The following EFHC2 variants were observed in gnomAD, a reference collection of about 807,000 sequenced individuals.
The protein encoded by EFHC2 is EF-hand domain-containing family member C2.
In EFHC2, 18 loss-of-function variants were observed where a neutral mutation model predicts 52.7. The observed-to-expected ratio is 0.34, with a 90% CI of 0.24 to 0.51. The LOEUF is 0.51. EFHC2 is among the 20% of genes least tolerant of loss of function. The pLI is 0.97. For missense variants in EFHC2, 513 were observed against 562.5 expected (o/e 0.91, Z 0.89); for synonymous variants, 203 against 204.1 (o/e 0.99, Z 0.04).
chrX:44,173,198 G>A (rs1194112249), intron 13 of EFHC2, among the ~76,000 whole-genome samples: 1 of 112,106 alleles, frequency 8.9e-6, no homozygotes, highest in Non-Finnish European at 1.9e-5. Context: ...ACACAGCAGG[G>A]TTACACGGCT....
intron 10 of EFHC2, among the ~76,000 whole-genome samples, chrX:44,231,176 T>A (rs964998808): frequency 6.2e-5 from 7 of 112,089 alleles, no homozygotes; most frequent in Admixed American, 5.6e-4. Flanking sequence ...AGGCCTCCTA[T>A]CAAGAGAGAC....
intron 11 of EFHC2, among the ~76,000 whole-genome samples, chrX:44,192,111 A>C (rs1215446516): frequency 1.9e-5 from 2 of 107,966 alleles, no homozygotes; most frequent in African/African-American, 3.4e-5. Flanking sequence ...ACCTGTTTTA[A>C]TGTCCAATGC....
intron 2 of EFHC2, among the ~76,000 whole-genome samples, chrX:44,306,626 G>A (rs73483070): frequency 0.022 from 2,485 of 111,951 alleles, 67 homozygotes; most frequent in African/African-American, 0.075. Context: ...GGCCATGCGG[G>A]ATAACAAATA....
At chrX:44,230,837 G>C (rs2037270853) in intron 10 of EFHC2, among the ~76,000 whole-genome samples, 2 of 111,469 alleles carry the variant, frequency 1.8e-5, no homozygotes, top group South Asian at 7.6e-4. Context: ...CTTACCATGG[G>C]CCTCATGGTT....
At chrX:44,276,353 C>T (rs1281320973) in intron 2 of EFHC2, among the ~76,000 whole-genome samples, 1 of 111,455 alleles carries the variant, frequency 9.0e-6, no homozygotes, top group Admixed American at 9.6e-5. Flanking sequence ...TGCTTTAGCC[C>T]AGGAATTTAA....
intron 14 of EFHC2, among the ~76,000 whole-genome samples, chrX:44,154,822 A>G (rs1465380350): frequency 1.8e-5 from 2 of 111,696 alleles, no homozygotes; most frequent in Non-Finnish European, 3.8e-5. Context: ...CCACTTCCTT[A>G]CTAGTGTTTT....
intron 4 of EFHC2, among the ~76,000 whole-genome samples, 192 bp from the exon 5 acceptor site, chrX:44,250,637 C>A (rs1379517818): frequency 2.9e-5 from 3 of 103,038 alleles, no homozygotes; most frequent in African/African-American, 1.1e-4. Context: ...CCAGCCTGGG[C>A]AACATGGCAA....
intron 2 of EFHC2, among the ~76,000 whole-genome samples, chrX:44,304,402 C>A (rs1353435567): frequency 8.9e-6 from 1 of 111,967 alleles, no homozygotes; most frequent in Non-Finnish European, 1.9e-5. Context: ...TAGTTAATGG[C>A]GGGACCAGAA....
chrX:44,279,035 C>T (rs2037682210), intron 2 of EFHC2, among the ~76,000 whole-genome samples: 1 of 112,110 alleles, frequency 8.9e-6, no homozygotes, highest in Non-Finnish European at 1.9e-5. Context: ...AACCAGTGAG[C>T]AATGATTCAA....
chrX:44,274,824 C>T (rs1176946131), intron 2 of EFHC2, among the ~76,000 whole-genome samples: 1 of 110,629 alleles, frequency 9.0e-6, no homozygotes, highest in African/African-American at 3.3e-5. Flanking sequence ...CCCAGGAGAT[C>T]GAGGCTGCAG....
chrX:44,319,617 C>G (rs2038005272), intron 1 of EFHC2, among the ~76,000 whole-genome samples: 2 of 112,802 alleles, frequency 1.8e-5, no homozygotes, highest in East Asian at 2.8e-4. Context: ...AGGCTCCTAA[C>G]TTTTTGTAGG....
At chrX:44,287,638 T>C (rs1465121096) in intron 2 of EFHC2, among the ~76,000 whole-genome samples, 1 of 112,839 alleles carries the variant, frequency 8.9e-6, no homozygotes, top group Admixed American at 9.4e-5. Flanking sequence ...GTGATAGATA[T>C]TCCATTGAAC....
chrX:44,238,867 T>C (rs1242129896), intron 8 of EFHC2, among the ~76,000 whole-genome samples: 1 of 112,101 alleles, frequency 8.9e-6, no homozygotes, highest in Non-Finnish European at 1.9e-5. Flanking sequence ...AATTTACTTA[T>C]GTATTAATTG....
intron 13 of EFHC2, among the ~76,000 whole-genome samples, chrX:44,166,950 T>C (rs2036700612): frequency 8.9e-6 from 1 of 112,035 alleles, no homozygotes; most frequent in Non-Finnish European, 1.9e-5. Flanking sequence ...CTACTTCTAC[T>C]CTTACCTAGC....
At chrX:44,307,731 C>T (rs1415385047) in intron 2 of EFHC2, among the ~76,000 whole-genome samples, 2 of 110,619 alleles carry the variant, frequency 1.8e-5, no homozygotes. Context: ...GTCAGGAGTT[C>T]GAGACCAGCC....
At chrX:44,208,680 T>C (rs1232991409) in intron 11 of EFHC2, among the ~76,000 whole-genome samples, 1 of 111,482 alleles carries the variant, frequency 9.0e-6, no homozygotes, top group African/African-American at 3.3e-5. Context: ...AATGTATAAA[T>C]TCAACACAAT....
intron 13 of EFHC2, among the ~76,000 whole-genome samples, chrX:44,166,586 T>C (rs977109829): frequency 9.0e-6 from 1 of 111,613 alleles, no homozygotes; most frequent in African/African-American, 3.3e-5. Context: ...AGCCAAAAAA[T>C]TGGGAGACTT....
intron 8 of EFHC2, among the ~76,000 whole-genome samples, chrX:44,240,061 A>G (rs2037348897): frequency 8.9e-6 from 1 of 112,302 alleles, no homozygotes; most frequent in African/African-American, 3.2e-5. Flanking sequence ...TATATAATCA[A>G]TGTGTCATGT....
At chrX:44,152,607 G>A (rs897121735) in intron 14 of EFHC2, among the ~76,000 whole-genome samples, 6 of 110,796 alleles carry the variant, frequency 5.4e-5, no homozygotes, top group Non-Finnish European at 1.1e-4. Flanking sequence ...CCATTCAGAC[G>A]GCTGATGGCT....
Sources: allele counts gnomAD v4.1 joint callset (sites outside exome capture counted in the v4.1 genomes callset), GRCh38; gene constraint gnomAD v4.1.1; transcripts MANE v1.5; gene names NCBI Gene and HGNC (gene_info 2026-07-23, HGNC 2026-07-21).